Variants in NPAS3 observed in about 807,000 individuals in gnomAD.
NPAS3 encodes the protein neuronal PAS domain protein 3.
A neutral mutation model predicts 73.1 loss-of-function variants in NPAS3; 14 were observed. The observed-to-expected ratio is 0.19, with a 90% CI of 0.13 to 0.30. NPAS3 has a LOEUF of 0.30. Among genes scored for constraint, NPAS3 ranks in the 10% least tolerant of loss-of-function variants. The pLI is 1.00. For missense variants in NPAS3, 1,096 were observed against 1,250.0 expected, an observed-to-expected ratio of 0.88 and a Z score of 1.86; for synonymous variants, 620 against 541.5, an observed-to-expected ratio of 1.14 and a Z score of -2.01.
intron 1 of NPAS3, among the ~76,000 whole-genome samples, chr14:33,012,675 A>G (rs1327296128): frequency 1.3e-5 from 2 of 151,902 alleles, no homozygotes; most frequent in South Asian, 4.2e-4. Context: ...CAGCCTCCCA[A>G]GTAGCTGGGA....
intron 1 of NPAS3, among the ~76,000 whole-genome samples, chr14:32,987,687 T>C (rs1213000947): frequency 1.3e-5 from 2 of 152,168 alleles, no homozygotes; most frequent in African/African-American, 4.8e-5. Flanking sequence ...TCTATAAAAA[T>C]TACAAACTTA....
At chr14:33,206,613 G>A (rs1566676379) in intron 2 of NPAS3, among the ~76,000 whole-genome samples, 1 of 152,060 alleles carries the variant, frequency 6.6e-6, no homozygotes, top group Non-Finnish European at 1.5e-5. Context: ...GCTGATATTG[G>A]CAACCATGAA....
At position 33,769,815 on chromosome 14, in the gene NPAS3, C is replaced by T. The variant is rs150838738; in HGVS notation, c.853-4522C>T. On this transcript the variant is annotated intron_variant, in intron 7 of 11. Coordinates refer to ENST00000356141, the Ensembl canonical transcript of NPAS3. ...GATCTTGCTCTGTCATCCAGGCTGG[C>T]GTGCAGTGGCGGAATCACGGCTCAC... is the stretch of plus-strand genomic sequence containing the variant. Among the ~76,000 whole-genome samples, 559 of 122,350 alleles carry T rather than the reference C, an allele frequency of 4.6e-3. 9 individuals carry two copies. The highest frequency in any genetic ancestry group is 0.017 in the African/African-American group (528 of 31,310). 80.3% of individuals were successfully genotyped at this position (122,350 alleles called of 152,430 possible). A position where few individuals can be genotyped will look rare whatever the true frequency, so the allele number is the denominator to read the frequency against.
chr14:33,676,178 T>A (rs1322766044), intron 5 of NPAS3, 33 bp from the exon 6 acceptor site: 1 of 1,609,706 alleles, frequency 6.2e-7, no homozygotes, highest in Non-Finnish European at 8.5e-7. Context: ...CTATATAATG[T>A]CTTTCCTTCC....
intron 2 of NPAS3, among the ~76,000 whole-genome samples, chr14:33,161,509 C>T (rs949514761): frequency 1.3e-5 from 2 of 152,140 alleles, no homozygotes; most frequent in African/African-American, 4.8e-5. Flanking sequence ...CTTAAGAAAA[C>T]AAGGGTGAAG....
At chr14:33,637,013 C>A (rs948028137) in intron 5 of NPAS3, among the ~76,000 whole-genome samples, 1 of 152,074 alleles carries the variant, frequency 6.6e-6, no homozygotes, top group Non-Finnish European at 1.5e-5. Flanking sequence ...TTTCTTCCGG[C>A]ATCAGGGTAG....
intron 5 of NPAS3, among the ~76,000 whole-genome samples, chr14:33,648,653 GT>G (rs1325771817): frequency 1.3e-5 from 2 of 152,176 alleles, no homozygotes; most frequent in Non-Finnish European, 2.9e-5. Context: ...CTGGCATAGA[GT>G]TGAACACATC....
intron 4 of NPAS3, among the ~76,000 whole-genome samples, chr14:33,401,915 G>T (rs899389898): frequency 1.3e-5 from 2 of 152,030 alleles, no homozygotes; most frequent in African/African-American, 4.8e-5. Flanking sequence ...GTTAACAAGG[G>T]AACAGGCTAC....
chr14:33,375,777 A>T (rs1159910505), intron 4 of NPAS3, among the ~76,000 whole-genome samples: 2 of 152,156 alleles, frequency 1.3e-5, no homozygotes, highest in African/African-American at 2.4e-5. Flanking sequence ...TAGATTGCCT[A>T]GGTTTAAACT....
intron 4 of NPAS3, among the ~76,000 whole-genome samples, chr14:33,508,134 G>C (rs1265801772): frequency 6.6e-6 from 1 of 152,022 alleles, no homozygotes; most frequent in Non-Finnish European, 1.5e-5. Flanking sequence ...CCCGCATTCA[G>C]GTTTCCATGT....
intron 6 of NPAS3, among the ~76,000 whole-genome samples, chr14:33,676,796 T>C (rs1172253899): frequency 6.6e-6 from 1 of 152,230 alleles, no homozygotes; most frequent in African/African-American, 2.4e-5. Context: ...CAGGGACTTG[T>C]AGAAATCTTG....
intron 4 of NPAS3, among the ~76,000 whole-genome samples, chr14:33,479,914 T>TG (rs2051231304): frequency 6.6e-6 from 1 of 151,462 alleles, no homozygotes; most frequent in African/African-American, 2.4e-5. Context: ...ACTTAGAGAA[T>TG]TAAAAAAAAA....
chr14:33,691,795 T>G (rs73257028), intron 6 of NPAS3, among the ~76,000 whole-genome samples: 3,323 of 152,308 alleles, frequency 0.022, 120 homozygotes, highest in African/African-American at 0.076. Context: ...TTGGGGTTGT[T>G]GAATGCTTCC....
intron 2 of NPAS3, among the ~76,000 whole-genome samples, chr14:33,128,257 T>C (rs886363378): frequency 1.3e-5 from 2 of 152,158 alleles, no homozygotes; most frequent in Non-Finnish European, 2.9e-5. Flanking sequence ...ATCAAATTGG[T>C]TTATGTACTT....
At chr14:33,437,798 C>T (rs1297223274) in intron 4 of NPAS3, among the ~76,000 whole-genome samples, 1 of 152,202 alleles carries the variant, frequency 6.6e-6, no homozygotes, top group Non-Finnish European at 1.5e-5. Flanking sequence ...ACAGCCAGGG[C>T]TTCCCTGTCA....
rs777136450 is a variant in NPAS3, at chr14:32,994,630, G to GTTTTTTTTTTTT, written c.50+55269_50+55270insTTTTTTTTTTTT. On this transcript the variant is annotated intron_variant, in intron 1 of 11. Coordinates refer to ENST00000356141, the Ensembl canonical transcript of NPAS3. ...ATTCTAGTTTTTTGTTTGTTTGTTT[G>GTTTTTTTTTTTT]TTTTTGTTTTTTTTTTTTTGAGACA... Among the ~76,000 whole-genome samples, 140 of 123,584 alleles carry GTTTTTTTTTTTT rather than the reference G, an allele frequency of 1.1e-3. 7 individuals are homozygous for GTTTTTTTTTTTT. The highest frequency in any genetic ancestry group is 2.5e-3 in the African/African-American group (69 of 27,922). 81.1% of individuals were successfully genotyped at this position (123,584 alleles called of 152,430 possible).
At chr14:33,512,569 C>G (rs1452869115) in intron 4 of NPAS3, among the ~76,000 whole-genome samples, 1 of 152,056 alleles carries the variant, frequency 6.6e-6, no homozygotes, top group African/African-American at 2.4e-5. Flanking sequence ...CCCTGAGCAG[C>G]TACAGGATAA....
intron 5 of NPAS3, among the ~76,000 whole-genome samples, chr14:33,651,652 A>T (rs1480551309): frequency 6.6e-6 from 1 of 151,898 alleles, no homozygotes; most frequent in Non-Finnish European, 1.5e-5. Context: ...TTTTCTCTAT[A>T]CCTCTGTTTC....
intron 3 of NPAS3, among the ~76,000 whole-genome samples, chr14:33,281,094 G>T (rs1234453085): frequency 6.6e-6 from 1 of 152,144 alleles, no homozygotes; most frequent in Non-Finnish European, 1.5e-5. Context: ...TAGTGAAGCT[G>T]GATACATTTG....
Sources: allele counts gnomAD v4.1 joint callset (sites outside exome capture counted in the v4.1 genomes callset), GRCh38; gene constraint gnomAD v4.1.1; transcripts MANE v1.5; gene names NCBI Gene and HGNC (gene_info 2026-07-23, HGNC 2026-07-21).